The following RPH3A variants were observed in gnomAD, a reference collection of about 807,000 sequenced individuals.
RPH3A encodes the protein rabphilin 3A, also known as rabphilin-3A.
In RPH3A, 48 loss-of-function variants were observed where a neutral mutation model predicts 102.2. The observed-to-expected ratio is 0.47, with a 90% confidence interval of 0.37 to 0.60. RPH3A has a LOEUF of 0.60. Ranked by LOEUF, RPH3A falls within the 20% of genes least tolerant of loss-of-function variation. The pLI, the probability that RPH3A is intolerant of heterozygous loss-of-function variation, is 0.00. For synonymous variants in RPH3A, 310 were observed against 324.3 expected, an observed-to-expected ratio of 0.96 and a Z score of 0.47; for missense variants, 781 against 910.1, an observed-to-expected ratio of 0.86 and a Z score of 1.83.
At chr12:112,694,555 G>A (rs1446691674) in intron 1 of RPH3A, among the ~76,000 whole-genome samples, 7 of 151,996 alleles carry the variant, frequency 4.6e-5, no homozygotes, top group Non-Finnish European at 7.4e-5. Flanking sequence ...GGGAAAAAGA[G>A]AGAGAGAGAG....
chr12:112,877,144 G>A (rs993232228), intron 13 of RPH3A, among the ~76,000 whole-genome samples: 6 of 152,034 alleles, frequency 3.9e-5, no homozygotes, highest in South Asian at 2.1e-4. Flanking sequence ...ATTGCAATTC[G>A]GTGGCATTGA....
At chr12:112,596,125 T>C (rs1033837180) in intron 1 of RPH3A, among the ~76,000 whole-genome samples, 1 of 152,190 alleles carries the variant, frequency 6.6e-6, no homozygotes, top group African/African-American at 2.4e-5. Context: ...GTTAAATATG[T>C]TCATGGTCTC....
chr12:112,748,305 T>C (rs1194829352), intron 1 of RPH3A, among the ~76,000 whole-genome samples: 1 of 152,170 alleles, frequency 6.6e-6, no homozygotes, highest in Non-Finnish European at 1.5e-5. Flanking sequence ...TAAAACATCC[T>C]AATGTTTGGC....
chr12:112,881,111 G>T (rs1244304293), intron 14 of RPH3A, among the ~76,000 whole-genome samples: 1 of 152,186 alleles, frequency 6.6e-6, no homozygotes, highest in Non-Finnish European at 1.5e-5. Flanking sequence ...GGGATGACGG[G>T]AGCCCAGAGG....
intron 1 of RPH3A, among the ~76,000 whole-genome samples, chr12:112,695,341 T>C (rs1163817018): frequency 6.6e-6 from 1 of 152,106 alleles, no homozygotes; most frequent in East Asian, 1.9e-4. Flanking sequence ...TTTGGAAAGG[T>C]TAACAGTTTT....
intron 14 of RPH3A, among the ~76,000 whole-genome samples, chr12:112,881,150 G>A (rs1422578309): frequency 1.3e-5 from 2 of 152,178 alleles, no homozygotes; most frequent in Non-Finnish European, 2.9e-5. Flanking sequence ...TGAATGTAGG[G>A]GATGGACAGA....
chr12:112,575,479 G>A (rs2039351796), intron 1 of RPH3A, among the ~76,000 whole-genome samples: 1 of 152,036 alleles, frequency 6.6e-6, no homozygotes, highest in African/African-American at 2.4e-5. Flanking sequence ...CTAGAACCGG[G>A]GGTGGGGCGA....
intron 1 of RPH3A, among the ~76,000 whole-genome samples, chr12:112,786,403 G>A (rs1027027472): frequency 1.3e-5 from 2 of 152,064 alleles, no homozygotes; most frequent in East Asian, 1.9e-4. Flanking sequence ...TCTCTTGCAC[G>A]CCAATCTCTC....
intron 5 of RPH3A, among the ~76,000 whole-genome samples, chr12:112,862,529 A>T (rs1480901510): frequency 6.6e-6 from 1 of 152,238 alleles, no homozygotes; most frequent in Non-Finnish European, 1.5e-5. Flanking sequence ...GAGACTATGG[A>T]CTGGGAGCTT....
intron 1 of RPH3A, among the ~76,000 whole-genome samples, chr12:112,755,293 G>GTATA (rs538216124): frequency 1.6e-4 from 20 of 121,444 alleles, no homozygotes; most frequent in South Asian, 6.4e-4. Flanking sequence ...ATATATATAT[G>GTATA]TATATACACA....
intron 4 of RPH3A, among the ~76,000 whole-genome samples, chr12:112,842,992 A>C (rs2042170751): frequency 2.0e-5 from 3 of 150,954 alleles, no homozygotes; most frequent in African/African-American, 7.5e-5. Context: ...CAAGGGCTCA[A>C]ATTGGCACAT....
chr12:112,650,336 T>C (rs929416547), intron 1 of RPH3A, among the ~76,000 whole-genome samples: 1 of 152,224 alleles, frequency 6.6e-6, no homozygotes, highest in Non-Finnish European at 1.5e-5. Flanking sequence ...GCCTCCCTGA[T>C]GTCAGGGCCA....
intron 13 of RPH3A, 68 bp from the exon 14 acceptor site, chr12:112,879,051 G>A (rs1593119790): frequency 7.5e-7 from 1 of 1,341,048 alleles, no homozygotes; most frequent in Admixed American, 1.7e-5. Context: ...CATATAGTAA[G>A]TGTTCAGGAA....
intron 1 of RPH3A, among the ~76,000 whole-genome samples, chr12:112,770,507 G>A (rs1223970018): frequency 6.6e-6 from 1 of 151,932 alleles, no homozygotes; most frequent in Non-Finnish European, 1.5e-5. Flanking sequence ...CACCATGCCT[G>A]GCTAATTTTT....
intron 2 of RPH3A, among the ~76,000 whole-genome samples, chr12:112,797,438 G>A (rs1273072003): frequency 6.6e-6 from 1 of 152,108 alleles, no homozygotes; most frequent in Non-Finnish European, 1.5e-5. Flanking sequence ...CTGTTGGGGG[G>A]TAAAAAGCTC....
intron 3 of RPH3A, among the ~76,000 whole-genome samples, chr12:112,828,779 T>G (rs187682702): frequency 7.9e-4 from 121 of 152,370 alleles, no homozygotes; most frequent in African/African-American, 2.9e-3. Flanking sequence ...GATTACAAAC[T>G]GGCAGACTCT....
At chr12:112,766,775 G>A (rs1034434032) in intron 1 of RPH3A, among the ~76,000 whole-genome samples, 2 of 152,192 alleles carry the variant, frequency 1.3e-5, no homozygotes, top group Non-Finnish European at 2.9e-5. Flanking sequence ...GATCCAAGGG[G>A]ATGAGTCTGC....
chr12:112,697,732 G>T (rs2040362333), intron 1 of RPH3A, among the ~76,000 whole-genome samples: 3 of 152,250 alleles, frequency 2.0e-5, no homozygotes, highest in African/African-American at 7.2e-5. Flanking sequence ...AGGCATGGTG[G>T]CATATGCCTG....
chr12:112,746,388 C>A (rs142448789), intron 1 of RPH3A, among the ~76,000 whole-genome samples: 1 of 152,226 alleles, frequency 6.6e-6, no homozygotes, highest in East Asian at 1.9e-4. Context: ...ACAGCCACCA[C>A]CCAGAGTCAG....
Sources: allele counts gnomAD v4.1 joint callset (sites outside exome capture counted in the v4.1 genomes callset), GRCh38; gene constraint gnomAD v4.1.1; transcripts MANE v1.5; gene names NCBI Gene and HGNC (gene_info 2026-07-23, HGNC 2026-07-21).